SAMD5: variants seen among roughly 807,000 people sequenced by gnomAD.
SAMD5 encodes sterile alpha motif domain containing 5.
SAMD5 carries 13 observed loss-of-function variants against 11.3 expected under a neutral mutation model. The ratio of observed to expected loss-of-function variants is 1.15; its 90% CI spans 0.75 to 1.83. The LOEUF is 1.83. Among genes scored for constraint, SAMD5 ranks in the 40% most tolerant of loss-of-function variants. The pLI is 0.00. For missense variants in SAMD5, 255 were observed against 239.1 expected (o/e 1.07, Z -0.44); for synonymous variants, 129 against 111.3 (o/e 1.16, Z -1.00).
At chr6:147,770,074 G>A in the SAMD5 span, among the ~76,000 whole-genome samples, 1 of 152,164 alleles carries the variant, frequency 6.6e-6, no homozygotes, top group African/African-American at 2.4e-5. Flanking sequence ...GGAACCAACA[G>A]ATGATTTTAA....
Position 147,509,051 on chromosome 6 carries a change from G to C in SAMD5, c.123G>C (p.Leu41=), listed in dbSNP as rs1562308503. 6.2e-7 allele frequency: 1 copy of C among 1,606,480 alleles called. No homozygotes were observed. The change falls in exon 1 of 2, where the codon CTG becomes CTC. Residue 41 remains leucine, a synonymous_variant. Coordinates refer to ENST00000367474, the MANE Select transcript of SAMD5 (RefSeq NM_001030060.3). ...EVCKQIGDPD[L]DAIGVLAPAH... is the part of the protein sequence containing the mutation. ...GCAAGCAGATCGGGGACCCGGACCT[G>C]GATGCCATCGGGGTGCTGGCGCCCG...
At chr6:147,774,204 C>G in the SAMD5 span, among the ~76,000 whole-genome samples, 3 of 152,278 alleles carry the variant, frequency 2.0e-5, no homozygotes, top group East Asian at 5.8e-4. Flanking sequence ...AATTTATTCA[C>G]CTCCCAAATG....
At chr6:147,663,050 A>G (rs1178876767) in intron 1 of SAMD5, among the ~76,000 whole-genome samples, 1 of 152,184 alleles carries the variant, frequency 6.6e-6, no homozygotes, top group Non-Finnish European at 1.5e-5. Flanking sequence ...GCATACCCCT[A>G]TGCAATTAAG....
At chr6:147,784,106 G>T in the SAMD5 span, among the ~76,000 whole-genome samples, 1 of 152,114 alleles carries the variant, frequency 6.6e-6, no homozygotes, top group African/African-American at 2.4e-5. Flanking sequence ...TCCTTTCAGA[G>T]CCACCACCTA....
chr6:147,860,906 C>G, the SAMD5 span, among the ~76,000 whole-genome samples: 1 of 152,122 alleles, frequency 6.6e-6, no homozygotes, highest in Non-Finnish European at 1.5e-5. Context: ...TTTTCCATCT[C>G]CATATACAAC....
chr6:147,760,192 A>G, the SAMD5 span, among the ~76,000 whole-genome samples: 3 of 152,132 alleles, frequency 2.0e-5, no homozygotes, highest in Admixed American at 6.5e-5. Context: ...TTCATAACCA[A>G]TGAGCATGTT....
intron 1 of SAMD5, among the ~76,000 whole-genome samples, chr6:147,531,155 GT>G (rs59924294): frequency 0.014 from 2,016 of 143,900 alleles, 33 homozygotes; most frequent in African/African-American, 0.044. Context: ...AGTCTTAAAA[GT>G]TTTTTTTTTT....
At chr6:147,755,582 C>A in the SAMD5 span, among the ~76,000 whole-genome samples, 1 of 152,052 alleles carries the variant, frequency 6.6e-6, no homozygotes, top group Non-Finnish European at 1.5e-5. Flanking sequence ...ACTATATCAT[C>A]CTCACTTCCT....
At chr6:147,606,641 G>GT (rs1015560946) in intron 1 of SAMD5, among the ~76,000 whole-genome samples, 1 of 151,798 alleles carries the variant, frequency 6.6e-6, no homozygotes, top group African/African-American at 2.4e-5. Context: ...AGTAACAACT[G>GT]TAATAGTACA....
Position 147,577,963 on chromosome 6 carries a change from A to T in SAMD5, c.162+68576A>T, listed in dbSNP as rs78516604. On this transcript the variant is annotated intron_variant, in intron 1 of 1. Coordinates refer to the SAMD5 transcript ENST00000566741. ...AAAGCTATATTCTAGAATCAGGTACACTATTACAAAAGTTCAGTCTACCAA... is the reference window on the plus strand; with the variant it reads ...AAAGCTATATTCTAGAATCAGGTACTCTATTACAAAAGTTCAGTCTACCAA... 6.1e-3 allele frequency among the ~76,000 whole-genome samples: 923 copies of T among 152,316 alleles called. 13 individuals carry two copies. The highest frequency in any genetic ancestry group is 0.021 in the African/African-American group (876 of 41,584).
the SAMD5 span, among the ~76,000 whole-genome samples, chr6:147,764,281 C>T: frequency 1.3e-5 from 2 of 152,044 alleles, no homozygotes. Flanking sequence ...AACACATAAA[C>T]CTGACAAGCC....
chr6:147,609,777 C>T (rs1416529223), intron 1 of SAMD5, among the ~76,000 whole-genome samples: 1 of 151,842 alleles, frequency 6.6e-6, no homozygotes, highest in Non-Finnish European at 1.5e-5. Context: ...AGGCTGGTCC[C>T]GAACTCCTGA....
At chr6:147,551,513 CT>C (rs34055989) in intron 1 of SAMD5, among the ~76,000 whole-genome samples, 6 of 150,652 alleles carry the variant, frequency 4.0e-5, no homozygotes, top group African/African-American at 9.8e-5. Flanking sequence ...TTAACTAAGC[CT>C]TTTTTTTTCT....
At chr6:147,830,066 A>G in the SAMD5 span, among the ~76,000 whole-genome samples, 2 of 152,032 alleles carry the variant, frequency 1.3e-5, no homozygotes, top group Non-Finnish European at 2.9e-5. Flanking sequence ...ATTCATTGCA[A>G]GAGTGAGGCC....
At chr6:147,728,400 A>G (rs1791660128) in intron 1 of SAMD5, among the ~76,000 whole-genome samples, 1 of 152,200 alleles carries the variant, frequency 6.6e-6, no homozygotes, top group Non-Finnish European at 1.5e-5. Flanking sequence ...CCTGGGTGAC[A>G]GAACAAGACT....
At chr6:147,633,323 CCA>C (rs1790179373) in intron 1 of SAMD5, among the ~76,000 whole-genome samples, 2 of 152,214 alleles carry the variant, frequency 1.3e-5, no homozygotes, top group South Asian at 4.1e-4. Flanking sequence ...GCACCGCCTG[CCA>C]TGTCTTCTGT....
At chr6:147,905,782 C>T in the SAMD5 span, among the ~76,000 whole-genome samples, 80 of 152,124 alleles carry the variant, frequency 5.3e-4, 1 homozygote, top group Non-Finnish European at 2.8e-4. Flanking sequence ...AATGTGTGGG[C>T]CCCCAAGATA....
At chr6:147,762,665 G>A in the SAMD5 span, among the ~76,000 whole-genome samples, 1 of 152,296 alleles carries the variant, frequency 6.6e-6, no homozygotes, top group South Asian at 2.1e-4. Context: ...TTTAATACAT[G>A]ATATCCCTGA....
At chr6:147,881,272 G>C in the SAMD5 span, among the ~76,000 whole-genome samples, 1 of 152,036 alleles carries the variant, frequency 6.6e-6, no homozygotes, top group African/African-American at 2.4e-5. Context: ...AACACAACAG[G>C]GTGAGGCATT....
Sources: allele counts gnomAD v4.1 joint callset (sites outside exome capture counted in the v4.1 genomes callset), GRCh38; gene constraint gnomAD v4.1.1; transcripts MANE v1.5; gene names NCBI Gene and HGNC (gene_info 2026-07-23, HGNC 2026-07-21).